The following FER1L5 variants were observed in gnomAD, a reference collection of about 807,000 sequenced individuals.
The protein encoded by FER1L5 is fer-1-like protein 5.
Under a neutral mutation model 279.9 loss-of-function variants are expected in FER1L5, and 187 were observed. That is an observed-to-expected ratio of 0.67 (90% CI 0.59 to 0.75). The LOEUF is 0.75. Ranked by LOEUF, FER1L5 falls within the 30% of genes least tolerant of loss-of-function variation. FER1L5 has a pLI of 0.00. For missense variants in FER1L5, 2,091 were observed against 2,594.4 expected (o/e 0.81, Z 4.21); for synonymous variants, 921 against 989.7 (o/e 0.93, Z 1.30).
Position 96,670,308 on chromosome 2 carries a change from T to G in FER1L5, c.1491+61T>G, listed in dbSNP as rs189715445. 0.01 allele frequency: 15,638 copies of G among 1,540,396 alleles called. 142 individuals carry two copies. Among genetic ancestry groups the G allele is most frequent in the Non-Finnish European group, 0.011 (12,336 of 1,140,294 alleles). On this transcript the variant is annotated intron_variant, in intron 18 of 52. Transcript: ENST00000624922. ...AGAGCCCTGTCTGCCCCGGATCTAC[T>G]GTGGATCCCAGTTTCTGACCGTGTA...
At chr2:96,665,641 G>A (rs1338735413) in intron 14 of FER1L5, among the ~76,000 whole-genome samples, 1 of 143,366 alleles carries the variant, frequency 7.0e-6, no homozygotes, top group Non-Finnish European at 1.5e-5. Context: ...TTTCATTCTT[G>A]TCACCCAGGC....
intron 19 of FER1L5, among the ~76,000 whole-genome samples, chr2:96,680,859 A>G (rs1295277634): frequency 2.0e-5 from 3 of 152,212 alleles, no homozygotes; most frequent in East Asian, 3.9e-4. Context: ...CATTTGGATC[A>G]AAAGGAACAA....
chr2:96,655,025 G>A (rs1041855337), intron 9 of FER1L5: 1 of 151,928 alleles, frequency 6.6e-6, no homozygotes, highest in African/African-American at 2.4e-5. Flanking sequence ...TAATATACTC[G>A]ATCTGGGGGG....
At chr2:96,659,478 T>TTTCC (rs1558855414) in intron 9 of FER1L5, among the ~76,000 whole-genome samples, 5 of 31,110 alleles carry the variant, frequency 1.6e-4, no homozygotes, top group Non-Finnish European at 2.4e-4. Flanking sequence ...TCTTTCTTTC[T>TTTCC]TTCTTTCTTT....
chr2:96,648,079 A>G (rs748320252), intron 4 of FER1L5, among the ~76,000 whole-genome samples, 193 bp downstream of exon 4: 7 of 152,170 alleles, frequency 4.6e-5, no homozygotes, highest in African/African-American at 1.7e-4. Context: ...ACCGCCTTGC[A>G]TTGGGAGTCA....
chr2:96,659,290 T>TGCCTGCCTTCCTTCCTTCCTTCCTTCC, intron 9 of FER1L5, among the ~76,000 whole-genome samples: 1 of 81,030 alleles, frequency 1.2e-5, no homozygotes, highest in East Asian at 3.2e-4. Flanking sequence ...TTTATCAAGC[T>TGCCTGCCTTCCTTCCTTCCTTCCTTCC]TTCCTTCCTT....
intron 1 of FER1L5, among the ~76,000 whole-genome samples, chr2:96,644,984 G>T (rs2075055159): frequency 6.6e-6 from 1 of 152,150 alleles, no homozygotes; most frequent in Non-Finnish European, 1.5e-5. Flanking sequence ...TCAGAACCCT[G>T]TTTGAATACA....
In FER1L5 at chr2:96,689,614, G is replaced by A. The variant is rs1457242472; in HGVS notation, c.2526-30G>A. ...CCCTAGGGGCTGCTTGGGGAGTTGT[G>A]CTGGGAACTTGGGGTCTCATTACCC... On this transcript the variant is annotated intron_variant, in intron 25 of 52. Transcript: ENST00000624922. The surrounding 1 kb of genome is among the most constrained non-coding windows in gnomAD (Gnocchi z 4.6). The A allele has an allele frequency of 1.9e-6, 3 of 1,541,442 alleles. No homozygotes were observed. The highest frequency in any genetic ancestry group is 8.8e-7 in the Non-Finnish European group (1 of 1,138,566).
chr2:96,689,521 C>A lies in FER1L5; in HGVS notation c.2526-123C>A. The A allele has an allele frequency of 6.9e-7, 1 of 1,438,934 alleles. No homozygotes were observed. The allele number at this position is 1,438,934 out of a possible 1,614,324, so 89.1% of individuals were successfully genotyped here. On this transcript the variant is annotated intron_variant, in intron 25 of 52. Coordinates refer to ENST00000624922, the MANE Select transcript of FER1L5 (RefSeq NM_001293083.2). The surrounding 1 kb of genome is among the most constrained non-coding windows in gnomAD (Gnocchi z 4.6). The stretch of plus-strand genomic sequence containing the variant: ...ACCAGGCCAAGGGCCCTGCCCACCA[C>A]CCTGTCCTGCCCAGAGCAGGTGGGG...
At chr2:96,687,986 G>C in intron 24 of FER1L5, 39 bp downstream of exon 24, 4 of 1,548,584 alleles carry the variant, frequency 2.6e-6, no homozygotes, top group Non-Finnish European at 3.5e-6. Context: ...GGGCAGGCAC[G>C]CGGGGGTGGG....
In FER1L5 at chr2:96,690,502, G is replaced by C. The variant is rs71427089; in HGVS notation, c.2656G>C (p.Glu886Gln). The change falls in exon 27 of 53, where the codon GAG (glutamate) becomes CAG (glutamine). Residue 886 changes from glutamate to glutamine, a missense_variant. Glu to Gln is a conservative substitution (Grantham distance 29). Coordinates refer to ENST00000624922, the MANE Select transcript of FER1L5 (RefSeq NM_001293083.2). Reference sequence around the variant, plus strand: ...CCACCTGCAGAATGGACAGCCCATGGAGGCCCGGGAGAACGTGAAGTGCCC... The same window carrying C: ...CCACCTGCAGAATGGACAGCCCATGCAGGCCCGGGAGAACGTGAAGTGCCC... Reference protein sequence around the residue: ...PNTDVNGQPMEARENVKCPQG... With the variant: ...PNTDVNGQPMQARENVKCPQG... 6.4e-7 allele frequency: 1 copy of C among 1,551,516 alleles called. No individual in the cohort carries two copies. The highest frequency in any genetic ancestry group is 8.7e-7 in the Non-Finnish European group (1 of 1,147,002).
At chr2:96,682,715 T>C (rs2076774566) in intron 19 of FER1L5, among the ~76,000 whole-genome samples, 1 of 152,172 alleles carries the variant, frequency 6.6e-6, no homozygotes, top group Admixed American at 6.5e-5. Flanking sequence ...TTTGTTTTAT[T>C]GATTGGTTGA....
intron 14 of FER1L5, among the ~76,000 whole-genome samples, chr2:96,666,065 T>C (rs1303908172): frequency 6.6e-6 from 1 of 151,508 alleles, no homozygotes; most frequent in Non-Finnish European, 1.5e-5. Flanking sequence ...TTTAGCCCTT[T>C]GGAAATGCAG....
intron 19 of FER1L5, among the ~76,000 whole-genome samples, chr2:96,675,270 A>G (rs2076469443): frequency 6.6e-6 from 1 of 152,156 alleles, no homozygotes; most frequent in African/African-American, 2.4e-5. Context: ...TTACAAGTGC[A>G]AGACTTCCTC....
At chr2:96,660,188 T>C (rs2075903762) in intron 9 of FER1L5, among the ~76,000 whole-genome samples, 153 bp from the exon 10 acceptor site, 1 of 152,154 alleles carries the variant, frequency 6.6e-6, no homozygotes, top group East Asian at 1.9e-4. Context: ...GAGGTAATAA[T>C]GGGCCTACCT....
intron 16 of FER1L5, 28 bp downstream of exon 16, chr2:96,668,996 A>G: frequency 1.9e-6 from 3 of 1,551,254 alleles, no homozygotes; most frequent in South Asian, 2.4e-5. Flanking sequence ...CCCACTTCCT[A>G]CACCCCTCGT....
At chr2:96,647,322 A>G (rs1471400933) in intron 3 of FER1L5, among the ~76,000 whole-genome samples, 167 bp downstream of exon 3, 1 of 152,194 alleles carries the variant, frequency 6.6e-6, no homozygotes, top group African/African-American at 2.4e-5. Context: ...CCAGGGCAAG[A>G]CTGCAAATCA....
rs1029889431 is a variant in FER1L5, at chr2:96,694,076, T to C, written c.3636+4T>C. 2.4e-5 allele frequency: 37 copies of C among 1,539,030 alleles called. No homozygotes were observed. Among genetic ancestry groups the C allele is most frequent in the Non-Finnish European group, 3.1e-5 (36 of 1,146,314 alleles). On this transcript the variant is annotated splice_donor_region_variant and intron_variant, in intron 33 of 52. Coordinates refer to ENST00000624922, the MANE Select transcript of FER1L5 (RefSeq NM_001293083.2). This position sits in a 1 kb window ranked among gnomAD's most constrained non-coding sequence, Gnocchi z 4.6. ...TGAGCTGATCCTCCAGACTGAGGTA[T>C]TGGGAGAGAGGGCCTGGCTGGGAAG...
intron 19 of FER1L5, among the ~76,000 whole-genome samples, chr2:96,680,583 T>C (rs1280744353): frequency 6.6e-6 from 1 of 152,152 alleles, no homozygotes; most frequent in Non-Finnish European, 1.5e-5. Context: ...TCTCCCTTTT[T>C]CCCTTCCCCA....
Sources: allele counts gnomAD v4.1 joint callset (sites outside exome capture counted in the v4.1 genomes callset), GRCh38; gene constraint gnomAD v4.1.1; non-coding constraint Gnocchi (gnomAD v3.1); transcripts MANE v1.5; gene names NCBI Gene and HGNC (gene_info 2026-07-23, HGNC 2026-07-21).